Variants in LAMA3 observed in about 807,000 individuals in gnomAD.
LAMA3 encodes laminin subunit alpha 3, also known as laminin subunit alpha-3.
In LAMA3, 281 loss-of-function variants were observed where a neutral mutation model predicts 402.0. The observed-to-expected ratio is 0.70, with a 90% confidence interval of 0.63 to 0.77. The LOEUF (loss-of-function observed/expected upper bound fraction) is 0.77. Among genes scored for constraint, LAMA3 ranks in the 30% least tolerant of loss-of-function variants. The pLI is 0.00. For missense variants in LAMA3, 3,840 were observed against 4,215.5 expected (o/e 0.91, Z 2.47); for synonymous variants, 1,431 against 1,558.4 (o/e 0.92, Z 1.93).
intron 1 of LAMA3, among the ~76,000 whole-genome samples, chr18:23,708,402 T>C (rs8089282): frequency 0.47 from 71,172 of 152,114 alleles, 18,979 homozygotes; most frequent in Non-Finnish European, 0.61. Context: ...AAAGTCCTTA[T>C]TCAGGTTTTC....
At chr18:23,725,634 C>T (rs754904718) in intron 2 of LAMA3, among the ~76,000 whole-genome samples, 7 of 152,130 alleles carry the variant, frequency 4.6e-5, no homozygotes, top group South Asian at 2.1e-4. Flanking sequence ...GGTCCCCAGG[C>T]GGCCTCAGGG....
Position 23,905,630 on chromosome 18 carries a change from A to AG in LAMA3, c.6718+11dup. ...ACAAAAGAAGCTAAAGCAAGGTATT[A>AG]GGGGGAGTGGGCAATGGCAGGGATA... On this transcript the variant is annotated splice_region_variant and intron_variant, in intron 52 of 74. Coordinates refer to ENST00000313654, the MANE Select transcript of LAMA3 (RefSeq NM_198129.4). 6.5e-7 allele frequency: 1 copy of AG among 1,541,202 alleles called. No individual in the cohort carries two copies.
rs774812844 is a variant in LAMA3, at chr18:23,833,850, G to T, written c.2846G>T (p.Arg949Leu). The T allele has an allele frequency of 6.2e-7, 1 of 1,613,442 alleles. No individual in the cohort carries two copies. Among genetic ancestry groups the T allele is most frequent in the Admixed American group, 1.7e-5 (1 of 60,016 alleles). Residue 949 changes from arginine (R) to leucine (L), a missense_variant, in exon 24 of 75, where the codon CGC becomes CTC. Physicochemically the swap from Arg to Leu is moderately radical, Grantham distance 102. Around this residue, in one of 3 missense-constraint regions of LAMA3, gnomAD observed 2,109 missense variants for 2,376.0 expected, o/e 0.89. Transcript: ENST00000313654. ...CAGGTGGAATTGCATCTGCGGCTGC[G>T]CATCCCACAGGTTGGCCACTACGTG... ...GREVELHLRLRIPQVGHYVVV... is the reference protein window; with the variant it reads ...GREVELHLRLLIPQVGHYVVV...
At chr18:23,834,348 C>A in intron 24 of LAMA3, 1 of 310,706 alleles carries the variant, frequency 3.2e-6, no homozygotes, top group Non-Finnish European at 6.2e-6. Flanking sequence ...GTGCATAGCA[C>A]AAGGAAAAAG....
intron 13 of LAMA3, among the ~76,000 whole-genome samples, chr18:23,811,496 G>T (rs1365321113): frequency 6.6e-6 from 1 of 152,124 alleles, no homozygotes; most frequent in Admixed American, 6.5e-5. Context: ...AGGCCTGAAG[G>T]TCCCTAGGAT....
At chr18:23,872,085 T>G (rs1029398872) in intron 38 of LAMA3, among the ~76,000 whole-genome samples, 8 of 152,236 alleles carry the variant, frequency 5.3e-5, no homozygotes, top group Non-Finnish European at 1.2e-4. Context: ...TTATCATTAT[T>G]ATTTATCAGT....
At chr18:23,890,557 G>A (rs188241225) in intron 42 of LAMA3, among the ~76,000 whole-genome samples, 3 of 152,218 alleles carry the variant, frequency 2.0e-5, no homozygotes, top group Admixed American at 6.5e-5. Flanking sequence ...GGTAATTGGG[G>A]TGGATTTTAT....
chr18:23,844,101 C>G (rs2063762533), intron 29 of LAMA3, among the ~76,000 whole-genome samples: 2 of 152,214 alleles, frequency 1.3e-5, no homozygotes, highest in South Asian at 4.1e-4. Context: ...TTTTGCATCC[C>G]TTGTGCCTGG....
At chr18:23,944,211 C>G (rs922706941) in intron 69 of LAMA3, among the ~76,000 whole-genome samples, 1 of 152,162 alleles carries the variant, frequency 6.6e-6, no homozygotes, top group African/African-American at 2.4e-5. Flanking sequence ...TCCATCCCCT[C>G]CAGCCCTCCC....
At chr18:23,783,109 G>A (rs567593477) in intron 11 of LAMA3, among the ~76,000 whole-genome samples, 75 of 152,222 alleles carry the variant, frequency 4.9e-4, no homozygotes, top group African/African-American at 1.8e-3. Context: ...GGGACATTTG[G>A]GAGTATCCCT....
chr18:23,712,784 A>G (rs1181480210), intron 1 of LAMA3, among the ~76,000 whole-genome samples: 1 of 151,124 alleles, frequency 6.6e-6, no homozygotes, highest in East Asian at 1.9e-4. Flanking sequence ...GATGCTGGCT[A>G]GGGGCAGAGC....
At chr18:23,757,259 G>C (rs2061867286) in intron 6 of LAMA3, among the ~76,000 whole-genome samples, 1 of 151,892 alleles carries the variant, frequency 6.6e-6, no homozygotes. Flanking sequence ...CCTGGCTCAC[G>C]CTCCTGAGGC....
In LAMA3 at chr18:23,932,225, CCCG is replaced by C; in HGVS notation, c.8643_8645del (p.Arg2882del). 6.2e-7 allele frequency: 1 copy of C among 1,614,064 alleles called. No individual in the cohort carries two copies. The highest frequency in any genetic ancestry group is 8.5e-7 in the Non-Finnish European group (1 of 1,179,918). On this transcript the variant is annotated inframe_deletion, in exon 66 of 75. Transcript: ENST00000313654. ...AAAAGGCTAAAACACATTTCAAGTT[CCCG>C]GCAGTCTCTGCGTCTGGGCGGGAGC...
intron 13 of LAMA3, among the ~76,000 whole-genome samples, chr18:23,812,609 C>T (rs969252905): frequency 2.0e-5 from 3 of 152,106 alleles, no homozygotes; most frequent in Admixed American, 1.3e-4. Flanking sequence ...GGAAAACAAA[C>T]CAATTGATTT....
intron 54 of LAMA3, among the ~76,000 whole-genome samples, chr18:23,908,533 CAAA>C (rs111961159): frequency 3.5e-5 from 2 of 57,040 alleles, no homozygotes; most frequent in Admixed American, 1.8e-4. Context: ...CCATCTCAAA[CAAA>C]AAAAAAAAAA....
chr18:23,717,544 T>TC (rs2061125533), intron 2 of LAMA3, among the ~76,000 whole-genome samples: 1 of 37,156 alleles, frequency 2.7e-5, no homozygotes, highest in South Asian at 9.2e-4. Context: ...GACTTGATCT[T>TC]TTTTTTTTTT....
At chr18:23,904,252 A>G (rs2081166806) in intron 50 of LAMA3, among the ~76,000 whole-genome samples, 165 bp downstream of exon 50, 1 of 152,140 alleles carries the variant, frequency 6.6e-6, no homozygotes, top group Non-Finnish European at 1.5e-5. Flanking sequence ...GAAGCAGAGC[A>G]GCAATAAGGG....
chr18:23,713,911 T>C lies in LAMA3; in HGVS notation c.295-9T>C, dbSNP rs747739215. ...AAAAAACAAAAAAAACCCACTTTTT[T>C]TTTTTCAGGGCCAGTTCTGTGACTA... On this transcript the variant is annotated splice_polypyrimidine_tract_variant and intron_variant, in intron 1 of 74. Transcript: ENST00000313654. The C allele has an allele frequency of 5.6e-6, 9 of 1,603,940 alleles. No homozygotes were observed. Among genetic ancestry groups the C allele is most frequent in the Admixed American group, 1.7e-5 (1 of 57,810 alleles).
At chr18:23,933,760 T>G in intron 66 of LAMA3, 22 bp from the exon 67 acceptor site, 1 of 1,613,708 alleles carries the variant, frequency 6.2e-7, no homozygotes, top group Middle Eastern at 1.7e-4. Flanking sequence ...GGCAGCATCT[T>G]TCATTTCTGC....
Sources: allele counts gnomAD v4.1 joint callset (sites outside exome capture counted in the v4.1 genomes callset), GRCh38; gene constraint gnomAD v4.1.1; regional missense constraint gnomAD v4.1.1; transcripts MANE v1.5; gene names NCBI Gene and HGNC (gene_info 2026-07-23, HGNC 2026-07-21).